POU1F1: variants seen among roughly 807,000 people sequenced by gnomAD.
POU1F1 encodes POU class 1 homeobox 1.
A neutral mutation model predicts 32.3 loss-of-function variants in POU1F1; 23 were observed. That is an observed-to-expected ratio of 0.71 (90% CI 0.51 to 1.01). POU1F1 has a LOEUF of 1.01. Ranked by LOEUF, POU1F1 falls within the 50% of genes least tolerant of loss-of-function variation. The pLI, the probability that POU1F1 is intolerant of heterozygous loss-of-function variation, is 0.00. For synonymous variants in POU1F1, 120 were observed against 115.6 expected (o/e 1.04, Z -0.25); for missense variants, 323 against 341.6 (o/e 0.95, Z 0.43).
chr3:87,267,647 T>C (rs911668814), intron 2 of POU1F1, among the ~76,000 whole-genome samples: 3 of 150,420 alleles, frequency 2.0e-5, no homozygotes, highest in Admixed American at 6.7e-5. Flanking sequence ...ACACTCTGTC[T>C]CCTAGACTGG....
chr3:87,270,085 A>C lies in POU1F1; in HGVS notation c.214+3262T>G, dbSNP rs908603073. ...TGTGTTTATCTAGGAGAGACTTTGAACAGCATCTGTAATTCTAGGTTTTCT... is the reference window on the plus strand; with the variant it reads ...TGTGTTTATCTAGGAGAGACTTTGACCAGCATCTGTAATTCTAGGTTTTCT... On this transcript the variant is annotated intron_variant, in intron 2 of 5. Coordinates refer to ENST00000350375, the MANE Select transcript of POU1F1 (RefSeq NM_000306.4). Among the ~76,000 whole-genome samples the C allele has an allele frequency of 9.9e-5, 15 of 152,204 alleles. No individual in the cohort carries two copies. The Middle Eastern group carries it at 0.017, about 173-fold the overall frequency.
chr3:87,266,187 A>G (rs969536667), intron 2 of POU1F1, among the ~76,000 whole-genome samples: 4 of 147,574 alleles, frequency 2.7e-5, no homozygotes, highest in Non-Finnish European at 6.0e-5. Context: ...TATTTTTTAT[A>G]TAAAAATATG....
At chr3:87,272,607 A>G (rs17024118) in intron 2 of POU1F1, among the ~76,000 whole-genome samples, 61,355 of 152,098 alleles carry the variant, frequency 0.4, 13,962 homozygotes, top group Non-Finnish European at 0.52. Flanking sequence ...CTGTGCTTCA[A>G]TGCCTTTATA....
chr3:87,273,455 A>C, intron 1 of POU1F1, 37 bp from the exon 2 acceptor site: 4 of 1,611,006 alleles, frequency 2.5e-6, no homozygotes, highest in Non-Finnish European at 3.4e-6. Flanking sequence ...AAATGTGTGC[A>C]CAAACATTTA....
At chr3:87,269,133 G>A (rs1706679392) in intron 2 of POU1F1, among the ~76,000 whole-genome samples, 1 of 152,130 alleles carries the variant, frequency 6.6e-6, no homozygotes, top group South Asian at 2.1e-4. Flanking sequence ...CTGTTGCTTA[G>A]GCATAAAAAT....
rs1214879970 is a variant in POU1F1 at position 87,276,430 on chromosome 3, G to T, written c.33C>A (p.Thr11=). 2 of 1,613,756 alleles carry T rather than the reference G, an allele frequency of 1.2e-6. No homozygotes were observed. The highest frequency in any genetic ancestry group is 1.7e-6 in the Non-Finnish European group (2 of 1,179,906). The change falls in exon 1 of 6, where the codon ACC becomes ACA. Residue 11 remains threonine, a synonymous_variant. Transcript: ENST00000350375. MSCQAFTSAD[T]FIPLNSDASA... ...AGGCGTCAGAATTCAGAGGTATAAA[G>T]GTATCAGCCGAAGTAAAAGCTTGGC...
intron 2 of POU1F1, among the ~76,000 whole-genome samples, chr3:87,268,622 A>T (rs1245338104): frequency 6.6e-6 from 1 of 152,182 alleles, no homozygotes; most frequent in Non-Finnish European, 1.5e-5. Context: ...TAAAACCCAG[A>T]TTACTGCAAA....
chr3:87,262,609 A>G (rs937586427), intron 3 of POU1F1, among the ~76,000 whole-genome samples: 2 of 152,060 alleles, frequency 1.3e-5, no homozygotes, highest in Non-Finnish European at 2.9e-5. Flanking sequence ...AAAAATTTTA[A>G]TATATTAACT....
Position 87,264,377 on chromosome 3 carries a change from A to G in POU1F1, c.350T>C (p.Leu117Ser). The G allele has an allele frequency of 1.2e-6, 2 of 1,613,880 alleles. No individual in the cohort carries two copies. The highest frequency in any genetic ancestry group is 1.6e-4 in the Middle Eastern group (1 of 6,062). ...FKQELRRKSK[L>S]VEEPIDMDSP... ...ATCCATGTCTATTGGCTCTTCCACC[A>G]ATTTACTTTTCCGCCTGAGTTCCTG... Residue 117 changes from leucine to serine, a missense_variant, in exon 3 of 6, where the codon TTG (leucine) becomes TCG (serine). By Grantham distance (145) the Leu-to-Ser change is moderately radical. Transcript: ENST00000350375.
chr3:87,276,086 C>A (rs1706820659), intron 1 of POU1F1, among the ~76,000 whole-genome samples: 1 of 152,066 alleles, frequency 6.6e-6, no homozygotes, highest in Admixed American at 6.6e-5. Flanking sequence ...AACAGATTTT[C>A]TTCCTTACAA....
In POU1F1 at chr3:87,260,053, A is replaced by G; in HGVS notation, c.717T>C (p.Pro239=). The G allele has an allele frequency of 6.2e-7, 1 of 1,614,030 alleles. No individual in the cohort carries two copies. Among genetic ancestry groups the G allele is most frequent in the Admixed American group, 1.7e-5 (1 of 60,000 alleles). Residue 239 remains proline, a synonymous_variant, in exon 6 of 6, where the codon CCT becomes CCC. Transcript: ENST00000350375. ...CCATCCTCATGATCTCTTGAGAAGAAGGTTTATTCTGTTCTCCAAAGTGTC... is the reference window on the plus strand; with the variant it reads ...CCATCCTCATGATCTCTTGAGAAGAGGGTTTATTCTGTTCTCCAAAGTGTC... ...LERHFGEQNK[P]SSQEIMRMAE... is the part of the protein sequence containing the mutation.
intron 2 of POU1F1, among the ~76,000 whole-genome samples, chr3:87,267,237 A>C (rs1051803628): frequency 7.9e-5 from 12 of 152,164 alleles, no homozygotes; most frequent in Non-Finnish European, 1.0e-4. Flanking sequence ...ATTTGTTATC[A>C]TCTTTATCCT....
At chr3:87,260,729 A>G (rs969184580) in intron 5 of POU1F1, among the ~76,000 whole-genome samples, 2 of 152,126 alleles carry the variant, frequency 1.3e-5, no homozygotes, top group Non-Finnish European at 2.9e-5. Flanking sequence ...TCTCTTAGAA[A>G]TGATTGTTTT....
chr3:87,273,985 T>C (rs1191883576), intron 1 of POU1F1, among the ~76,000 whole-genome samples: 6 of 152,182 alleles, frequency 3.9e-5, no homozygotes, highest in Non-Finnish European at 7.4e-5. Context: ...TTTTATTAGA[T>C]ACAATCATAA....
In POU1F1 at chr3:87,259,875, A is replaced by G. The variant is rs1383565163; in HGVS notation, c.*19T>C. ...AGGAATGAAACGGGAGAAAAAGGCT[A>G]TTATACAATAGAAAAATCTTATCTG... On this transcript the variant is annotated 3_prime_UTR_variant, in exon 6 of 6. Transcript: ENST00000350375. The G allele has an allele frequency of 1.3e-6, 2 of 1,593,822 alleles. No individual in the cohort carries two copies. Among genetic ancestry groups the G allele is most frequent in the Non-Finnish European group, 1.7e-6 (2 of 1,161,768 alleles).
chr3:87,271,634 A>G (rs1257394316), intron 2 of POU1F1, among the ~76,000 whole-genome samples: 1 of 152,180 alleles, frequency 6.6e-6, no homozygotes, highest in Non-Finnish European at 1.5e-5. Context: ...CACAGAAAGC[A>G]ATCCACCCGC....
intron 3 of POU1F1, 126 bp from the exon 4 acceptor site, chr3:87,262,361 G>A (rs760369137): frequency 1.5e-5 from 15 of 1,025,080 alleles, no homozygotes; most frequent in South Asian, 1.4e-4. Flanking sequence ...TATATTCTTG[G>A]CAAATCAGAA....
intron 2 of POU1F1, among the ~76,000 whole-genome samples, chr3:87,268,279 A>AT: frequency 6.6e-6 from 1 of 151,466 alleles, no homozygotes; most frequent in Non-Finnish European, 1.5e-5. Flanking sequence ...TTTATTTATA[A>AT]TTTTTTATTT....
chr3:87,276,212 G>T, intron 1 of POU1F1, 109 bp downstream of exon 1: 1 of 1,362,628 alleles, frequency 7.3e-7, no homozygotes, highest in South Asian at 1.2e-5. Context: ...AAATTAAATT[G>T]GAGGGGTAAA....
Sources: gnomAD v4.1 joint callset for allele counts (sites outside exome capture counted in the v4.1 genomes callset) on GRCh38, gnomAD v4.1.1 for gene constraint, MANE v1.5 for transcripts, NCBI Gene and HGNC (gene_info 2026-07-23, HGNC 2026-07-21) for gene names.